TMEM94: variants seen among roughly 807,000 people sequenced by gnomAD.
TMEM94 encodes transmembrane protein 94.
In TMEM94, 81 loss-of-function variants were observed where a neutral mutation model predicts 158.6. The ratio of observed to expected loss-of-function variants is 0.51; its 90% CI spans 0.43 to 0.61. The LOEUF (loss-of-function observed/expected upper bound fraction) is 0.61. Ranked by LOEUF, TMEM94 falls within the 20% of genes least tolerant of loss-of-function variation. TMEM94 has a pLI of 0.00. For synonymous variants in TMEM94, 751 were observed against 730.7 expected (o/e 1.03, Z -0.45); for missense variants, 1,435 against 1,762.0 (o/e 0.81, Z 3.32).
At chr17:75,474,532 T>A (rs62091797) in intron 2 of TMEM94, among the ~76,000 whole-genome samples, 1 of 151,936 alleles carries the variant, frequency 6.6e-6, no homozygotes, top group African/African-American at 2.4e-5. Flanking sequence ...TCCCAGCTAT[T>A]TGGGAGGCTG....
Position 75,496,804 on chromosome 17 carries a change from C to T in TMEM94, c.3318C>T (p.Ile1106=). The T allele has an allele frequency of 6.2e-7, 1 of 1,613,592 alleles. No individual in the cohort carries two copies. ...LLQCQLTLVV[I]QFLSCLVQLP... is the part of the protein sequence containing the mutation. ...AGTGCCAGCTGACTCTTGTGGTCATCCAGGTGAGGTGGGGCCCGCACAGGC... is the reference window on the plus strand; with the variant it reads ...AGTGCCAGCTGACTCTTGTGGTCATTCAGGTGAGGTGGGGCCCGCACAGGC... The change falls in exon 25 of 32, where the codon ATC becomes ATT. Residue 1106 remains isoleucine, a synonymous_variant. Coordinates refer to ENST00000314256, the MANE Select transcript of TMEM94 (RefSeq NM_014738.6).
intron 11 of TMEM94, 128 bp downstream of exon 11, chr17:75,490,886 A>G: frequency 2.0e-6 from 2 of 998,230 alleles, no homozygotes. Flanking sequence ...TTACATGTGG[A>G]CATAACCTGG....
At chr17:75,461,535 T>C (rs2050068615) in intron 1 of TMEM94, among the ~76,000 whole-genome samples, 1 of 152,140 alleles carries the variant, frequency 6.6e-6, no homozygotes, top group Non-Finnish European at 1.5e-5. Context: ...ATAGTAAAAA[T>C]TCTTCCTGCT....
At chr17:75,465,042 C>G (rs1446786823) in intron 1 of TMEM94, among the ~76,000 whole-genome samples, 1 of 152,058 alleles carries the variant, frequency 6.6e-6, no homozygotes, top group African/African-American at 2.4e-5. Context: ...CTCCGTTTCC[C>G]AGGCTGGAGT....
At chr17:75,469,245 A>G (rs374647643) in intron 1 of TMEM94, among the ~76,000 whole-genome samples, 8 of 152,122 alleles carry the variant, frequency 5.3e-5, no homozygotes, top group African/African-American at 1.9e-4. Context: ...CGTTCTGGGG[A>G]TGCAGTGGAC....
intron 2 of TMEM94, among the ~76,000 whole-genome samples, chr17:75,478,997 G>T (rs576849903): frequency 1.3e-5 from 2 of 152,122 alleles, no homozygotes; most frequent in African/African-American, 4.8e-5. Context: ...TAAGAACTGC[G>T]CCTGTTCCCT....
In TMEM94 at chr17:75,491,106, A is replaced by G. The variant is rs763403280; in HGVS notation, c.1186A>G (p.Thr396Ala). 1.2e-6 allele frequency: 2 copies of G among 1,613,460 alleles called. No individual in the cohort carries two copies. Among genetic ancestry groups the G allele is most frequent in the Non-Finnish European group, 1.7e-6 (2 of 1,179,794 alleles). ...FLRVLGGTSP[T>A]LSHSSSLLHS... Reference sequence around the variant, plus strand: ...GAGGGTGCTCGGGGGGACATCGCCAACGCTGAGCCACAGTTCCAGCCTGCT... The same window carrying G: ...GAGGGTGCTCGGGGGGACATCGCCAGCGCTGAGCCACAGTTCCAGCCTGCT... Residue 396 changes from threonine (T) to alanine (A), a missense_variant, in exon 12 of 32, where the codon ACG (threonine) becomes GCG (alanine). Around this residue, in one of 3 missense-constraint regions of TMEM94, gnomAD observed 1,051 missense variants for 1,254.4 expected, o/e 0.84. Coordinates refer to ENST00000314256, the MANE Select transcript of TMEM94 (RefSeq NM_014738.6). This position sits in a 1 kb window ranked among gnomAD's most constrained non-coding sequence, Gnocchi z 5.1.
chr17:75,495,286 T>A lies in TMEM94; in HGVS notation c.2731T>A (p.Ser911Thr). The change falls in exon 21 of 32, where the codon TCC becomes ACC. Residue 911 changes from serine (S) to threonine (T), a missense_variant and splice_region_variant. Coordinates refer to ENST00000314256, the MANE Select transcript of TMEM94 (RefSeq NM_014738.6). This position sits in a 1 kb window ranked among gnomAD's most constrained non-coding sequence, Gnocchi z 5.6. ...GGGAGAGGCTTTTGTCCCCACAGTG[T>A]CCCGAGATGATGCAGAAGGGCTCCT... ...GSLHDDLNQVSRDDAEGLLLM... is the reference protein window; with the variant it reads ...GSLHDDLNQVTRDDAEGLLLM... The A allele has an allele frequency of 6.2e-7, 1 of 1,605,612 alleles. No homozygotes were observed. Among genetic ancestry groups the A allele is most frequent in the South Asian group, 1.1e-5 (1 of 90,634 alleles).
chr17:75,495,475 T>C lies in TMEM94; in HGVS notation c.2845-69T>C. 4 of 1,591,328 alleles carry C rather than the reference T, an allele frequency of 2.5e-6. No homozygotes were observed. The Admixed American group carries it at 6.7e-5, about 27-fold the overall frequency. On this transcript the variant is annotated intron_variant, in intron 21 of 31. Coordinates refer to ENST00000314256, the MANE Select transcript of TMEM94 (RefSeq NM_014738.6). This position sits in a 1 kb window ranked among gnomAD's most constrained non-coding sequence, Gnocchi z 5.6. ...GTCCAGGGGAGAGGTAGAGAGGTGG[T>C]GGGCAGGCGGTGGAGGGGAGGGATG...
rs1598333765 is a variant in TMEM94, at chr17:75,473,388, C to T, written c.24+1459C>T. Among the ~76,000 whole-genome samples, 10 of 152,330 alleles carry T rather than the reference C, an allele frequency of 6.6e-5. 2 individuals are homozygous for T. Among genetic ancestry groups the T allele is most frequent in the Admixed American group, 6.5e-4 (10 of 15,296 alleles). ...AGGCTGCTGCAAACAGCTGCAAGGG[C>T]TCTGCACTGCTCAGTTCCAAGGAGT... On this transcript the variant is annotated intron_variant, in intron 2 of 31. Transcript: ENST00000314256.
intron 4 of TMEM94, 78 bp from the exon 5 acceptor site, chr17:75,486,212 G>A (rs1291752689): frequency 2.5e-6 from 4 of 1,585,928 alleles, no homozygotes; most frequent in Middle Eastern, 1.8e-4. Flanking sequence ...GGGGTGGGAA[G>A]GGGAGCTGTG....
At chr17:75,496,149 G>A in intron 23 of TMEM94, 75 bp downstream of exon 23, 2 of 1,512,490 alleles carry the variant, frequency 1.3e-6, no homozygotes, top group Non-Finnish European at 1.8e-6. Context: ...CCTGCGTGGG[G>A]CTGGGGGTGT....
intron 1 of TMEM94, among the ~76,000 whole-genome samples, chr17:75,460,975 AT>A (rs1177161883): frequency 4.1e-5 from 6 of 147,556 alleles, no homozygotes; most frequent in African/African-American, 1.5e-4. Context: ...TTAACTCCCC[AT>A]TTCCCCCCTG....
intron 2 of TMEM94, among the ~76,000 whole-genome samples, chr17:75,473,786 G>A (rs149859226): frequency 2.0e-5 from 3 of 152,282 alleles, no homozygotes; most frequent in Admixed American, 6.5e-5. Context: ...AGGTGGCCCC[G>A]GCTTAGAGAG....
rs2052720716 is a variant in TMEM94 at position 75,496,673 on chromosome 17, T to G, written c.3244-57T>G. The G allele has an allele frequency of 2.6e-6, 4 of 1,551,022 alleles. No individual in the cohort carries two copies. The Admixed American group carries it at 6.7e-5, about 26-fold the overall frequency. On this transcript the variant is annotated intron_variant, in intron 24 of 31. Transcript: ENST00000314256. ...CTCTTGGCTAAAGTGTGTCAGCTGT[T>G]GGGCCTGGGAGAGGCCAGGTAGACC...
Position 75,487,921 on chromosome 17 carries a change from A to G in TMEM94, c.410-11A>G. Reference sequence around the variant, plus strand: ...CTGAGAGGGTTGTTTCCCTCTTTCCATTCCCCTCAGATGCCCTCAGGGATG... The same window carrying G: ...CTGAGAGGGTTGTTTCCCTCTTTCCGTTCCCCTCAGATGCCCTCAGGGATG... On this transcript the variant is annotated splice_polypyrimidine_tract_variant and intron_variant, in intron 5 of 31. Transcript: ENST00000314256. This position sits in a 1 kb window ranked among gnomAD's most constrained non-coding sequence, Gnocchi z 4.6. 1 of 1,610,984 alleles carries G rather than the reference A, an allele frequency of 6.2e-7. No homozygotes were observed. The highest frequency in any genetic ancestry group is 8.5e-7 in the Non-Finnish European group (1 of 1,177,490).
At position 75,494,612 on chromosome 17, in the gene TMEM94, G is replaced by A; in HGVS notation, c.2408-15G>A. ...GTGTCCTGATCGGGCTGTGTCCTGT[G>A]TGTCCTGCCTGAAGAAGGGATCGGG... is the stretch of plus-strand genomic sequence containing the variant. On this transcript the variant is annotated splice_polypyrimidine_tract_variant and intron_variant, in intron 18 of 31. Transcript: ENST00000314256. 1 of 1,612,548 alleles carries A rather than the reference G, an allele frequency of 6.2e-7. No homozygotes were observed. The highest frequency in any genetic ancestry group is 8.5e-7 in the Non-Finnish European group (1 of 1,179,480).
chr17:75,461,707 A>G (rs1308510570), intron 1 of TMEM94, among the ~76,000 whole-genome samples: 1 of 151,454 alleles, frequency 6.6e-6, no homozygotes, highest in Admixed American at 6.6e-5. Flanking sequence ...GCGGATCACG[A>G]AGTCAGGAGA....
Position 75,491,789 on chromosome 17 carries a change from G to GCC in TMEM94, c.1490_1491dup (p.Glu498ProfsTer21), listed in dbSNP as rs749805153. 6.2e-7 allele frequency: 1 copy of GCC among 1,614,028 alleles called. No homozygotes were observed. Among genetic ancestry groups the GCC allele is most frequent in the Non-Finnish European group, 8.5e-7 (1 of 1,180,026 alleles). ...GCGACTGGCCTGGCGAGGCTCCCAA[G>GCC]CCCCCCGAGCCCTATTCACACCACA... On this transcript the variant is annotated frameshift_variant, in exon 14 of 32. Coordinates refer to ENST00000314256, the MANE Select transcript of TMEM94 (RefSeq NM_014738.6). LOFTEE classifies it high-confidence loss of function. This position sits in a 1 kb window ranked among gnomAD's most constrained non-coding sequence, Gnocchi z 5.1.
Sources: gnomAD v4.1 joint callset for allele counts (sites outside exome capture counted in the v4.1 genomes callset) on GRCh38, gnomAD v4.1.1 for gene constraint, gnomAD v4.1.1 regional missense constraint, Gnocchi (gnomAD v3.1) non-coding constraint, MANE v1.5 for transcripts, NCBI Gene and HGNC (gene_info 2026-07-23, HGNC 2026-07-21) for gene names.